Variants in CEMIP2 observed in about 807,000 individuals in gnomAD.
The protein encoded by CEMIP2 is cell surface hyaluronidase CEMIP2.
CEMIP2 carries 79 observed loss-of-function variants against 146.9 expected under a neutral mutation model. The observed-to-expected ratio is 0.54, with a 90% confidence interval of 0.45 to 0.65. The LOEUF is 0.65. Among genes scored for constraint, CEMIP2 ranks in the 30% least tolerant of loss-of-function variants. The pLI, the probability that CEMIP2 is intolerant of heterozygous loss-of-function variation, is 0.00. For missense variants in CEMIP2, 1,596 were observed against 1,696.2 expected, an observed-to-expected ratio of 0.94 and a Z score of 1.04; for synonymous variants, 601 against 606.3, an observed-to-expected ratio of 0.99 and a Z score of 0.13.
At chr9:71,715,970 CTTTAA>C (rs1310996540) in intron 14 of CEMIP2, among the ~76,000 whole-genome samples, 2 of 151,976 alleles carry the variant, frequency 1.3e-5, no homozygotes, top group African/African-American at 2.4e-5. Flanking sequence ...TATAAACAAA[CTTTAA>C]TTTAGCAGCA....
intron 18 of CEMIP2, among the ~76,000 whole-genome samples, chr9:71,702,069 G>A (rs1006790685): frequency 3.3e-5 from 5 of 151,960 alleles, no homozygotes; most frequent in Non-Finnish European, 1.5e-5. Flanking sequence ...ACCAGCCCGG[G>A]CAACATGGCA....
At chr9:71,717,052 G>A (rs1384661982) in intron 13 of CEMIP2, among the ~76,000 whole-genome samples, 1 of 152,102 alleles carries the variant, frequency 6.6e-6, no homozygotes, top group Non-Finnish European at 1.5e-5. Context: ...CATGCCTGTG[G>A]TCCCAGCTAC....
intron 17 of CEMIP2, among the ~76,000 whole-genome samples, chr9:71,708,925 A>G (rs1038890866): frequency 6.6e-6 from 1 of 152,190 alleles, no homozygotes; most frequent in Non-Finnish European, 1.5e-5. Flanking sequence ...GCATAGCTGT[A>G]GTGTGGCAAG....
chr9:71,717,474 T>G (rs1465243008), intron 13 of CEMIP2, among the ~76,000 whole-genome samples: 4 of 152,036 alleles, frequency 2.6e-5, no homozygotes, highest in African/African-American at 9.7e-5. Context: ...ACTCCTAAAA[T>G]TATACAAATG....
chr9:71,736,986 T>C (rs911114715), intron 5 of CEMIP2, among the ~76,000 whole-genome samples: 2 of 151,548 alleles, frequency 1.3e-5, no homozygotes, highest in Non-Finnish European at 2.9e-5. Flanking sequence ...CTGGGCAACA[T>C]AGTGGGACTT....
At chr9:71,710,950 T>C (rs182474351) in intron 16 of CEMIP2, among the ~76,000 whole-genome samples, 16 of 152,292 alleles carry the variant, frequency 1.1e-4, no homozygotes, top group Non-Finnish European at 1.8e-4. Context: ...CAAGCTCTAT[T>C]TTAAATTGGG....
intron 21 of CEMIP2, 97 bp from the exon 22 acceptor site, chr9:71,690,343 C>G (rs1325214276): frequency 3.6e-6 from 5 of 1,389,294 alleles, no homozygotes; most frequent in Non-Finnish European, 4.9e-6. Context: ...CTTCTAAACC[C>G]ATGATTCAAA....
intron 16 of CEMIP2, among the ~76,000 whole-genome samples, chr9:71,710,619 TAGGACAACAAATGCAGTATCTAAC>T (rs1822878799): frequency 6.6e-6 from 1 of 152,222 alleles, no homozygotes; most frequent in Non-Finnish European, 1.5e-5. Flanking sequence ...GTTATAACTT[TAGGACAACAAATGCAGTATCTAAC>T]AAACTGCTTT....
intron 3 of CEMIP2, 113 bp from the exon 4 acceptor site, chr9:71,745,692 T>C: frequency 1.8e-6 from 2 of 1,082,052 alleles, no homozygotes; most frequent in Non-Finnish European, 2.6e-6. Flanking sequence ...GAAAAAAGAA[T>C]TCGCTAAGAA....
chr9:71,697,269 G>A (rs1822429386), intron 20 of CEMIP2, among the ~76,000 whole-genome samples: 1 of 152,118 alleles, frequency 6.6e-6, no homozygotes, highest in Non-Finnish European at 1.5e-5. Flanking sequence ...TATAAATCAG[G>A]GCAGCTCCAT....
intron 17 of CEMIP2, among the ~76,000 whole-genome samples, chr9:71,706,065 T>A (rs900569424): frequency 6.6e-6 from 1 of 151,724 alleles, no homozygotes; most frequent in African/African-American, 2.4e-5. Flanking sequence ...CCCGTCTCTA[T>A]TAAAAATACA....
chr9:71,743,330 G>A (rs1823977497), intron 4 of CEMIP2, among the ~76,000 whole-genome samples: 1 of 152,146 alleles, frequency 6.6e-6, no homozygotes, highest in Non-Finnish European at 1.5e-5. Context: ...CCTATTTCTT[G>A]ACCTGGGTGG....
intron 1 of CEMIP2, among the ~76,000 whole-genome samples, chr9:71,759,994 A>C (rs1461354424): frequency 1.3e-5 from 2 of 150,118 alleles, no homozygotes; most frequent in Non-Finnish European, 2.9e-5. Flanking sequence ...TCAAACCTAT[A>C]GTCCTAAAAA....
In CEMIP2 at chr9:71,721,463, A is replaced by G. The variant is rs1383996447; in HGVS notation, c.2267+964T>C. ...TTGGTTTCTCAAATGCTATCTGATC[A>G]TTGCATCAACATATTTCAGGCTCAA... On this transcript the variant is annotated intron_variant, in intron 12 of 23. Transcript: ENST00000377044. Among the ~76,000 whole-genome samples, 4 of 152,168 alleles carry G rather than the reference A, an allele frequency of 2.6e-5. No individual in the cohort carries two copies. The East Asian group carries it at 7.7e-4, about 29-fold the overall frequency.
intron 14 of CEMIP2, 27 bp from the exon 15 acceptor site, chr9:71,715,116 T>C (rs1217295540): frequency 6.2e-7 from 1 of 1,606,894 alleles, no homozygotes; most frequent in Admixed American, 1.7e-5. Flanking sequence ...AATCATTAGC[T>C]ACATTTCTCC....
intron 2 of CEMIP2, 74 bp downstream of exon 2, chr9:71,749,964 AATTTT>A: frequency 2.2e-6 from 3 of 1,336,158 alleles, no homozygotes; most frequent in South Asian, 3.1e-5. Context: ...ACTTAAGATA[AATTTT>A]TTTTTAAGTA....
chr9:71,734,103 C>T (rs561233488), intron 6 of CEMIP2, among the ~76,000 whole-genome samples: 50 of 152,332 alleles, frequency 3.3e-4, no homozygotes, highest in African/African-American at 1.1e-3. Context: ...CTGCCTCAGC[C>T]TCCCAAAGTG....
chr9:71,718,961 T>C (rs1823151800), intron 12 of CEMIP2, among the ~76,000 whole-genome samples: 1 of 152,156 alleles, frequency 6.6e-6, no homozygotes, highest in Non-Finnish European at 1.5e-5. Flanking sequence ...ATAAGGACCT[T>C]ACTGAAAAGG....
Position 71,709,474 on chromosome 9 carries a change from C to A in CEMIP2, c.2770G>T (p.Val924Phe), listed in dbSNP as rs759238406. The change falls in exon 17 of 24, where the codon GTC (valine) becomes TTC (phenylalanine). Residue 924 changes from valine to phenylalanine, a missense_variant and splice_region_variant. Coordinates refer to ENST00000377044, the MANE Select transcript of CEMIP2 (RefSeq NM_013390.3). ...TTTCCAAAAAAGACATTCAGAGAGACCTGACCACAGTGAAAAAGAAAGACA... is the reference window on the plus strand; with the variant it reads ...TTTCCAAAAAAGACATTCAGAGAGAACTGACCACAGTGAAAAAGAAAGACA... ...NISLVKFGPH[V>F]SLNVFFGKPG... 1.9e-6 allele frequency: 3 copies of A among 1,613,932 alleles called. No homozygotes were observed. The Admixed American group carries it at 5.0e-5, about 27-fold the overall frequency.
Sources: gnomAD v4.1 joint callset for allele counts (sites outside exome capture counted in the v4.1 genomes callset) on GRCh38, gnomAD v4.1.1 for gene constraint, MANE v1.5 for transcripts, NCBI Gene and HGNC (gene_info 2026-07-23, HGNC 2026-07-21) for gene names.